Variants in ADIPOR1 observed in about 807,000 individuals in gnomAD.
ADIPOR1 encodes adiponectin receptor protein 1.
ADIPOR1 carries 15 observed loss-of-function variants against 37.5 expected under a neutral mutation model. The ratio of observed to expected loss-of-function variants is 0.40; its 90% confidence interval spans 0.27 to 0.62. The LOEUF is 0.62. Among genes scored for constraint, ADIPOR1 ranks in the 20% least tolerant of loss-of-function variants. The pLI is 0.42. For synonymous variants in ADIPOR1, 173 were observed against 173.2 expected (o/e 1.00, Z 0.01); for missense variants, 286 against 478.0 (o/e 0.60, Z 3.75).
At chr1:202,953,896 A>G (rs192245264) in intron 1 of ADIPOR1, among the ~76,000 whole-genome samples, 1 of 152,336 alleles carries the variant, frequency 6.6e-6, no homozygotes, top group East Asian at 1.9e-4. Flanking sequence ...ATTTTACTAG[A>G]GGCAATGAGA....
intron 6 of ADIPOR1, among the ~76,000 whole-genome samples, chr1:202,943,236 T>C (rs1654171633): frequency 6.6e-6 from 1 of 152,196 alleles, no homozygotes; most frequent in Non-Finnish European, 1.5e-5. Flanking sequence ...TAAAGACTAG[T>C]GGTAATTGGT....
intron 1 of ADIPOR1, among the ~76,000 whole-genome samples, chr1:202,956,148 G>A (rs1039523604): frequency 1.3e-5 from 2 of 152,192 alleles, no homozygotes; most frequent in Admixed American, 1.3e-4. Flanking sequence ...AAATCCAGGA[G>A]GTGACATTAG....
intron 2 of ADIPOR1, among the ~76,000 whole-genome samples, chr1:202,949,595 A>C (rs1174178909): frequency 6.6e-6 from 1 of 150,990 alleles, no homozygotes; most frequent in African/African-American, 2.4e-5. Context: ...AAAAAAAAAA[A>C]AACACACCCA....
intron 3 of ADIPOR1, among the ~76,000 whole-genome samples, chr1:202,947,298 G>A (rs1654370887): frequency 6.6e-6 from 1 of 152,014 alleles, no homozygotes; most frequent in Non-Finnish European, 1.5e-5. Flanking sequence ...GAGGCGGGCG[G>A]ATCACCTGAG....
intron 2 of ADIPOR1, 98 bp from the exon 3 acceptor site, chr1:202,948,518 C>G (rs1654424959): frequency 2.1e-6 from 2 of 942,388 alleles, no homozygotes; most frequent in Admixed American, 3.8e-5. Context: ...CTAATGCCTT[C>G]TGCCCAGCCT....
At chr1:202,953,854 C>A (rs1447121206) in intron 1 of ADIPOR1, among the ~76,000 whole-genome samples, 1 of 152,130 alleles carries the variant, frequency 6.6e-6, no homozygotes, top group Non-Finnish European at 1.5e-5. Context: ...TGGTCACACA[C>A]TAAATTTAGT....
intron 2 of ADIPOR1, among the ~76,000 whole-genome samples, 176 bp from the exon 3 acceptor site, chr1:202,948,596 G>A (rs114413447): frequency 0.02 from 2,995 of 152,280 alleles, 50 homozygotes; most frequent in Non-Finnish European, 0.03. Context: ...ACACTAGTTA[G>A]AAATTTATTA....
chr1:202,944,245 A>C, intron 5 of ADIPOR1: 1 of 242,772 alleles, frequency 4.1e-6, no homozygotes, highest in Non-Finnish European at 8.0e-6. Flanking sequence ...TTCCATCACA[A>C]TCCAGCTGGT....
intron 1 of ADIPOR1, among the ~76,000 whole-genome samples, chr1:202,957,148 A>G (rs1384775298): frequency 1.3e-5 from 2 of 152,206 alleles, no homozygotes; most frequent in Admixed American, 1.3e-4. Flanking sequence ...CAGTATACAG[A>G]TAGTATACAA....
In ADIPOR1 at chr1:202,943,773, G is replaced by A. The variant is rs764912508; in HGVS notation, c.790C>T (p.Arg264Trp). 2.5e-6 allele frequency: 4 copies of A among 1,613,354 alleles called. No homozygotes were observed. The highest frequency in any genetic ancestry group is 1.1e-5 in the South Asian group (1 of 91,038). ...QWDRFATPKHRQTRAGVFLGL... is the reference protein window; with the variant it reads ...QWDRFATPKHWQTRAGVFLGL... ...TCCGACCTACCTGCTCTTGTCTGCC[G>A]GTGCTTAGGAGTGGCAAACCGGTCC... is the stretch of plus-strand genomic sequence containing the variant. The change falls in exon 6 of 8, where the codon CGG (arginine) becomes TGG (tryptophan). Residue 264 changes from arginine (R) to tryptophan (W), a missense_variant. Coordinates refer to ENST00000340990, the MANE Select transcript of ADIPOR1 (RefSeq NM_015999.6).
chr1:202,943,025 C>T (rs114337490), intron 6 of ADIPOR1, among the ~76,000 whole-genome samples: 2,747 of 152,004 alleles, frequency 0.018, 90 homozygotes, highest in African/African-American at 0.063. Flanking sequence ...CCTGCCACAA[C>T]GCCGACTAAT....
Position 202,955,241 on chromosome 1 carries a change from T to A in ADIPOR1, c.-95+2944A>T, listed in dbSNP as rs543733148. ...CCCAACAGAAGTCTTTTTTTTTTTT[T>A]AAAAGGGTCTTGCTCTGTCATTCAG... On this transcript the variant is annotated intron_variant, in intron 1 of 7. Coordinates refer to ENST00000340990, the MANE Select transcript of ADIPOR1 (RefSeq NM_015999.6). 2.3e-3 allele frequency among the ~76,000 whole-genome samples: 354 copies of A among 151,692 alleles called. 2 individuals carry two copies. Among genetic ancestry groups the A allele is most frequent in the Middle Eastern group, 0.014 (4 of 294 alleles).
rs547541520 is a variant in ADIPOR1 at position 202,952,977 on chromosome 1, C to T, written c.-94-1813G>A. On this transcript the variant is annotated intron_variant, in intron 1 of 7. Coordinates refer to ENST00000340990, the MANE Select transcript of ADIPOR1 (RefSeq NM_015999.6). Reference sequence around the variant, plus strand: ...AACAATAACTTGCTATACAGCAGACCTTTATATGGTGTCAACACATAGACA... The same window carrying T: ...AACAATAACTTGCTATACAGCAGACTTTTATATGGTGTCAACACATAGACA... 1.2e-4 allele frequency among the ~76,000 whole-genome samples: 18 copies of T among 152,220 alleles called. 2 individuals carry two copies. Among genetic ancestry groups the T allele is most frequent in the Admixed American group, 3.3e-4 (5 of 15,302 alleles).
intron 2 of ADIPOR1, among the ~76,000 whole-genome samples, chr1:202,950,443 T>C (rs1654525752): frequency 6.6e-6 from 1 of 151,964 alleles, no homozygotes; most frequent in African/African-American, 2.4e-5. Flanking sequence ...GCCTTTCTTC[T>C]CGTTTCCCTT....
intron 1 of ADIPOR1, among the ~76,000 whole-genome samples, chr1:202,955,325 G>A (rs1571571006): frequency 6.6e-6 from 1 of 151,622 alleles, no homozygotes; most frequent in South Asian, 2.1e-4. Flanking sequence ...AGACTCAAGC[G>A]ATCCTCCCAC....
chr1:202,952,329 G>C (rs146800945), intron 1 of ADIPOR1, among the ~76,000 whole-genome samples: 1 of 152,160 alleles, frequency 6.6e-6, no homozygotes, highest in Non-Finnish European at 1.5e-5. Flanking sequence ...CATGGAGTGG[G>C]TTGCATTCCG....
At chr1:202,951,196 A>G in intron 1 of ADIPOR1, 32 bp from the exon 2 acceptor site, 1 of 1,093,420 alleles carries the variant, frequency 9.1e-7, no homozygotes, top group Non-Finnish European at 1.3e-6. Context: ...AAGGATTGAC[A>G]ATTTATTCCT....
At chr1:202,950,799 G>A in intron 2 of ADIPOR1, 131 bp downstream of exon 2, 2 of 1,262,504 alleles carry the variant, frequency 1.6e-6, no homozygotes, top group East Asian at 2.3e-5. Flanking sequence ...AGTATCATAG[G>A]GACTTGGATA....
intron 1 of ADIPOR1, among the ~76,000 whole-genome samples, chr1:202,956,391 G>A (rs992753228): frequency 6.6e-6 from 1 of 152,006 alleles, no homozygotes; most frequent in African/African-American, 2.4e-5. Context: ...TAGAAAGAAG[G>A]GCAATTTCTA....
Sources: gnomAD v4.1 joint callset for allele counts (sites outside exome capture counted in the v4.1 genomes callset) on GRCh38, gnomAD v4.1.1 for gene constraint, MANE v1.5 for transcripts, NCBI Gene and HGNC (gene_info 2026-07-23, HGNC 2026-07-21) for gene names.